The following LRRC52 variants were observed in gnomAD, a reference collection of about 807,000 sequenced individuals.
LRRC52 encodes leucine-rich repeat-containing protein 52.
A neutral mutation model predicts 14.7 loss-of-function variants in LRRC52; 15 were observed. The observed-to-expected ratio is 1.02, with a 90% CI of 0.68 to 1.58. The LOEUF is 1.58. Among genes scored for constraint, LRRC52 ranks in the 40% most tolerant of loss-of-function variants. LRRC52 has a pLI of 0.00. For missense variants in LRRC52, 400 were observed against 387.7 expected, an observed-to-expected ratio of 1.03 and a Z score of -0.27; for synonymous variants, 180 against 163.9, an observed-to-expected ratio of 1.10 and a Z score of -0.75.
intron 1 of LRRC52, among the ~76,000 whole-genome samples, chr1:165,551,300 C>T (rs373487896): frequency 6.6e-6 from 1 of 152,278 alleles, no homozygotes; most frequent in East Asian, 1.9e-4. Flanking sequence ...GGTCCTATGC[C>T]CTGAGGTTCT....
chr1:165,563,691 C>T lies in LRRC52; in HGVS notation c.809C>T (p.Ala270Val). 4 of 1,614,184 alleles carry T rather than the reference C, an allele frequency of 2.5e-6. No homozygotes were observed. In the South Asian group the frequency reaches 3.3e-5, roughly 13 times the overall value. Residue 270 changes from alanine to valine, a missense_variant, in exon 2 of 2, where the codon GCT becomes GTT. Transcript: ENST00000294818. Reference protein sequence around the residue: ...TVAAWLTGVCAVLYQNTRHKS... With the variant: ...TVAAWLTGVCVVLYQNTRHKS... ...GCTGCCTGGCTCACAGGTGTGTGTG[C>T]TGTGCTCTACCAGAACACCCGCCAC... is the stretch of plus-strand genomic sequence containing the variant.
chr1:165,550,808 G>A (rs1333597639), intron 1 of LRRC52, among the ~76,000 whole-genome samples: 1 of 152,078 alleles, frequency 6.6e-6, no homozygotes, highest in Non-Finnish European at 1.5e-5. Flanking sequence ...ACGAGAAACA[G>A]AAAATAGAAT....
rs1050020915 is a variant in LRRC52, at chr1:165,544,529, A to T, written c.233A>T (p.Asp78Val). 4.4e-5 allele frequency: 71 copies of T among 1,613,952 alleles called. No homozygotes were observed. Among genetic ancestry groups the T allele is most frequent in the Non-Finnish European group, 5.8e-5 (68 of 1,180,022 alleles). Residue 78 changes from aspartate to valine, a missense_variant, in exon 1 of 2, where the codon GAC becomes GTC. By Grantham distance (152) the Asp-to-Val change is radical. Coordinates refer to ENST00000294818, the MANE Select transcript of LRRC52 (RefSeq NM_001005214.4). ...GCAATGCATCTAGGACTCCTCAGTG[A>T]CCTTGTTTATTTGGACTGTCAGAAC... is the stretch of plus-strand genomic sequence containing the variant. Reference protein sequence around the residue: ...LPAMHLGLLSDLVYLDCQNNR... With the variant: ...LPAMHLGLLSVLVYLDCQNNR...
chr1:165,546,175 A>C (rs1661016605), intron 1 of LRRC52, among the ~76,000 whole-genome samples: 1 of 152,108 alleles, frequency 6.6e-6, no homozygotes, highest in Non-Finnish European at 1.5e-5. Flanking sequence ...GGATGAGGCA[A>C]GCAGGGCTTT....
intron 1 of LRRC52, among the ~76,000 whole-genome samples, chr1:165,546,832 G>A (rs368477869): frequency 1.3e-4 from 20 of 152,226 alleles, no homozygotes; most frequent in African/African-American, 4.8e-4. Context: ...TCAATCCACA[G>A]TTGAATGGGA....
chr1:165,546,994 C>A (rs912861519), intron 1 of LRRC52, among the ~76,000 whole-genome samples: 13 of 152,086 alleles, frequency 8.5e-5, no homozygotes, highest in African/African-American at 2.9e-4. Flanking sequence ...CACACACGTA[C>A]CCACAACTGC....
At chr1:165,547,373 T>C (rs1661044453) in intron 1 of LRRC52, among the ~76,000 whole-genome samples, 1 of 152,180 alleles carries the variant, frequency 6.6e-6, no homozygotes, top group Non-Finnish European at 1.5e-5. Flanking sequence ...TGGCTGCCGC[T>C]TGGAACTGGG....
Position 165,563,712 on chromosome 1 carries a change from G to A in LRRC52, c.830G>A (p.Arg277His), listed in dbSNP as rs781381076. 19 of 1,614,064 alleles carry A rather than the reference G, an allele frequency of 1.2e-5. No individual in the cohort carries two copies. The highest frequency in any genetic ancestry group is 1.7e-5 in the Admixed American group (1 of 60,002). The change falls in exon 2 of 2, where the codon CGC becomes CAC. Residue 277 changes from arginine (R) to histidine (H), a missense_variant. Physicochemically the swap from Arg to His is conservative, Grantham distance 29 (BLOSUM62 0). Coordinates refer to ENST00000294818, the MANE Select transcript of LRRC52 (RefSeq NM_001005214.4). ...TGTGCTGTGCTCTACCAGAACACCC[G>A]CCACAAGTCGAGTGAAGAAGATGAG... Reference protein sequence around the residue: ...GVCAVLYQNTRHKSSEEDEDE... With the variant: ...GVCAVLYQNTHHKSSEEDEDE...
At chr1:165,559,303 C>G (rs1221415437) in intron 1 of LRRC52, among the ~76,000 whole-genome samples, 1 of 151,976 alleles carries the variant, frequency 6.6e-6, no homozygotes, top group African/African-American at 2.4e-5. Context: ...GCAGGAGAAC[C>G]ACTTGAACCT....
intron 1 of LRRC52, among the ~76,000 whole-genome samples, chr1:165,555,860 C>G (rs950172903): frequency 3.9e-5 from 6 of 152,248 alleles, no homozygotes; most frequent in African/African-American, 1.4e-4. Context: ...TCCATGAGGA[C>G]AACTGTCTGC....
chr1:165,544,726 T>A lies in LRRC52; in HGVS notation c.430T>A (p.Phe144Ile). ...CCCTCACCTGTTATCGCTTCACAAG[T>A]TCACCTTTGCCAACACCACCTCTTT... ...NNPHLLSLHK[F>I]TFANTTSLRY... The change falls in exon 1 of 2, where the codon TTC becomes ATC. Residue 144 changes from phenylalanine (F) to isoleucine (I), a missense_variant. By Grantham distance (21) the Phe-to-Ile change is conservative. Coordinates refer to ENST00000294818, the MANE Select transcript of LRRC52 (RefSeq NM_001005214.4). 2 of 1,613,990 alleles carry A rather than the reference T, an allele frequency of 1.2e-6. No individual in the cohort carries two copies. The highest frequency in any genetic ancestry group is 1.1e-5 in the South Asian group (1 of 91,054).
At chr1:165,555,328 C>G (rs72693837) in intron 1 of LRRC52, among the ~76,000 whole-genome samples, 2,611 of 152,128 alleles carry the variant, frequency 0.017, 31 homozygotes, top group Non-Finnish European at 0.023. Flanking sequence ...GAAGGTCTTT[C>G]TAGACCAAGG....
intron 1 of LRRC52, among the ~76,000 whole-genome samples, chr1:165,563,191 TAAG>T (rs1177456356): frequency 1.3e-5 from 2 of 152,156 alleles, no homozygotes; most frequent in East Asian, 3.8e-4. Flanking sequence ...TGAGCATCCT[TAAG>T]AAGCATTTTC....
At chr1:165,553,070 C>T (rs1416139499) in intron 1 of LRRC52, among the ~76,000 whole-genome samples, 6 of 152,110 alleles carry the variant, frequency 3.9e-5, no homozygotes, top group Non-Finnish European at 1.5e-5. Flanking sequence ...ATAAAATATA[C>T]ATATATTTGG....
chr1:165,554,601 C>T (rs1298005609), intron 1 of LRRC52, among the ~76,000 whole-genome samples: 1 of 152,132 alleles, frequency 6.6e-6, no homozygotes, highest in Non-Finnish European at 1.5e-5. Flanking sequence ...CATGCTTAGA[C>T]AAATTTTTAT....
intron 1 of LRRC52, among the ~76,000 whole-genome samples, chr1:165,559,977 A>G (rs1224839423): frequency 6.6e-6 from 1 of 152,196 alleles, no homozygotes; most frequent in African/African-American, 2.4e-5. Context: ...GGGGCCATGC[A>G]TACACATACT....
chr1:165,561,813 G>A (rs183293315), intron 1 of LRRC52, among the ~76,000 whole-genome samples: 44 of 152,358 alleles, frequency 2.9e-4, no homozygotes, highest in African/African-American at 9.9e-4. Flanking sequence ...TGCTGTAGGT[G>A]CATTGATACA....
In LRRC52 at chr1:165,563,620, C is replaced by A. The variant is rs1373604234; in HGVS notation, c.738C>A (p.Ile246=). The change falls in exon 2 of 2, where the codon ATC becomes ATA. Residue 246 remains isoleucine, a synonymous_variant. Transcript: ENST00000294818. ...CGCACCTGGACCACAAAGACTACATCTTCCTGCTGCTCATCGGCTTCTGCA... is the reference window on the plus strand; with the variant it reads ...CGCACCTGGACCACAAAGACTACATATTCCTGCTGCTCATCGGCTTCTGCA... ...CITHLDHKDY[I]FLLLIGFCIF... The A allele has an allele frequency of 6.2e-7, 1 of 1,614,152 alleles. No individual in the cohort carries two copies. The highest frequency in any genetic ancestry group is 1.7e-5 in the Admixed American group (1 of 60,016).
chr1:165,548,041 G>A (rs1000052492), intron 1 of LRRC52, among the ~76,000 whole-genome samples: 2 of 152,178 alleles, frequency 1.3e-5, no homozygotes, highest in African/African-American at 2.4e-5. Flanking sequence ...GGTGATCTTT[G>A]ACATATTCTA....
Sources: allele counts gnomAD v4.1 joint callset (sites outside exome capture counted in the v4.1 genomes callset), GRCh38; gene constraint gnomAD v4.1.1; transcripts MANE v1.5; gene names NCBI Gene and HGNC (gene_info 2026-07-23, HGNC 2026-07-21).